The following TUSC3 variants were observed in gnomAD, a reference collection of about 807,000 sequenced individuals.
TUSC3 encodes the protein tumor suppressor candidate 3, also known as dolichyl-diphosphooligosaccharide--protein glycosyltransferase subunit TUSC3.
A neutral mutation model predicts 44.8 loss-of-function variants in TUSC3; 45 were observed. The observed-to-expected ratio is 1.00, with a 90% confidence interval of 0.79 to 1.29. TUSC3 has a LOEUF of 1.29. TUSC3 is among the 50% of genes most tolerant of loss of function. The pLI, the probability that TUSC3 is intolerant of heterozygous loss-of-function variation, is 0.00. For missense variants in TUSC3, 519 were observed against 437.9 expected (o/e 1.19, Z -1.65); for synonymous variants, 212 against 152.9 (o/e 1.39, Z -2.85).
rs1292414013 is a variant in TUSC3 at position 15,731,769 on chromosome 8, G to C, written c.862+1040G>C. Among the ~76,000 whole-genome samples, 7 of 152,048 alleles carry C rather than the reference G, an allele frequency of 4.6e-5. No individual in the cohort carries two copies. The South Asian group carries it at 1.5e-3, about 32-fold the overall frequency. On this transcript the variant is annotated intron_variant, in intron 7 of 10. Transcript: ENST00000503731. Reference sequence around the variant, plus strand: ...AAAATACTATCTTTTTAACAACATTGAAGTTTTTGGATTTTATTACTTTGT... The same window carrying C: ...AAAATACTATCTTTTTAACAACATTCAAGTTTTTGGATTTTATTACTTTGT...
intron 1 of TUSC3, among the ~76,000 whole-genome samples, chr8:15,622,213 A>C (rs1057356543): frequency 6.6e-6 from 1 of 152,138 alleles, no homozygotes; most frequent in Admixed American, 6.5e-5. Context: ...TCTTGTAGGA[A>C]TACAGTGTTG....
intron 6 of TUSC3, among the ~76,000 whole-genome samples, chr8:15,711,002 G>T (rs1199707229): frequency 1.3e-5 from 2 of 151,288 alleles, no homozygotes; most frequent in African/African-American, 4.8e-5. Context: ...CCCCTCAAGG[G>T]TTTCCTGAGT....
intron 2 of TUSC3, among the ~76,000 whole-genome samples, chr8:15,637,826 T>C (rs1806161440): frequency 6.6e-6 from 1 of 152,066 alleles, no homozygotes; most frequent in Non-Finnish European, 1.5e-5. Flanking sequence ...CGCTCACTTC[T>C]TCCTCCCTCC....
chr8:15,744,286 A>G lies in TUSC3; in HGVS notation c.937+674A>G, dbSNP rs542200213. On this transcript the variant is annotated intron_variant, in intron 8 of 10. Coordinates refer to ENST00000503731, the MANE Select transcript of TUSC3 (RefSeq NM_006765.4). Reference sequence around the variant, plus strand: ...AACATATATGAGGTTTTTGAGAAGTAAAGAGTTTTCTAGCAAAAAGAGAAG... The same window carrying G: ...AACATATATGAGGTTTTTGAGAAGTGAAGAGTTTTCTAGCAAAAAGAGAAG... Among the ~76,000 whole-genome samples the G allele has an allele frequency of 4.1e-4, 63 of 152,142 alleles. 1 individual carries two copies. In the South Asian group the frequency reaches 0.012, roughly 29 times the overall value.
At chr8:15,431,893 G>A (rs1032814160) in intron 1 of TUSC3, among the ~76,000 whole-genome samples, 2 of 59,360 alleles carry the variant, frequency 3.4e-5, no homozygotes, top group Non-Finnish European at 1.1e-4. Context: ...TTGTTCAAAT[G>A]CCATTTCTGT....
At chr8:15,663,283 A>G (rs575771187) in intron 5 of TUSC3, among the ~76,000 whole-genome samples, 28 of 150,292 alleles carry the variant, frequency 1.9e-4, no homozygotes, top group African/African-American at 6.8e-4. Flanking sequence ...TATCTTATAG[A>G]TAAGTATTGT....
chr8:15,653,386 T>A (rs531023006), intron 3 of TUSC3, among the ~76,000 whole-genome samples: 22 of 152,342 alleles, frequency 1.4e-4, no homozygotes, highest in African/African-American at 5.1e-4. Context: ...TTTTAAAATC[T>A]TCTGTGATAT....
intron 2 of TUSC3, among the ~76,000 whole-genome samples, chr8:15,626,196 C>T (rs1805501893): frequency 6.6e-6 from 1 of 152,190 alleles, no homozygotes; most frequent in South Asian, 2.1e-4. Flanking sequence ...CCTGGAGCCT[C>T]TGCCACTCCA....
rs59838929 is a variant in TUSC3, at chr8:15,692,375, G to GTTTTTTT, written c.798+18557_798+18563dup. On this transcript the variant is annotated intron_variant, in intron 6 of 10. Transcript: ENST00000503731. ...GGAGGAGACCCCCCCCCCCCCCTTT[G>GTTTTTTT]TTTTTTTTTTTTTTTTTTTTTTTTG... Among the ~76,000 whole-genome samples the GTTTTTTT allele has an allele frequency of 2.1e-3, 146 of 68,322 alleles. 1 individual carries two copies. Among genetic ancestry groups the GTTTTTTT allele is most frequent in the East Asian group, 3.5e-3 (7 of 1,976 alleles). The allele number at this position is 68,322 out of a possible 152,430, so 44.8% of individuals were successfully genotyped here.
At chr8:15,434,022 A>G (rs1208389196) in intron 1 of TUSC3, among the ~76,000 whole-genome samples, 2 of 152,148 alleles carry the variant, frequency 1.3e-5, no homozygotes, top group East Asian at 1.9e-4. Flanking sequence ...ATTTAACTTC[A>G]TGAGAAACTA....
the TUSC3 span, among the ~76,000 whole-genome samples, chr8:15,785,911 G>GA: frequency 6.6e-6 from 1 of 150,450 alleles, no homozygotes; most frequent in Non-Finnish European, 1.5e-5. Context: ...TTGCTTGTTT[G>GA]AAAAAAAAGA....
intron 2 of TUSC3, among the ~76,000 whole-genome samples, chr8:15,510,401 G>C (rs993714325): frequency 2.0e-5 from 3 of 152,060 alleles, no homozygotes; most frequent in Non-Finnish European, 2.9e-5. Flanking sequence ...TCAGACATGA[G>C]AGCAATGACA....
At chr8:15,581,987 C>G (rs190792396) in intron 1 of TUSC3, among the ~76,000 whole-genome samples, 4,547 of 151,744 alleles carry the variant, frequency 0.03, 79 homozygotes, top group East Asian at 0.053. Context: ...ACCCTCTGAG[C>G]CAGGTGTGGG....
intron 2 of TUSC3, among the ~76,000 whole-genome samples, chr8:15,640,905 G>T (rs1229770957): frequency 6.6e-6 from 1 of 152,114 alleles, no homozygotes; most frequent in Non-Finnish European, 1.5e-5. Flanking sequence ...GTTCAAAAAG[G>T]TTTATTTAAG....
the TUSC3 span, among the ~76,000 whole-genome samples, chr8:15,796,701 G>C: frequency 2.6e-5 from 4 of 152,316 alleles, no homozygotes; most frequent in East Asian, 7.7e-4. Flanking sequence ...GGGAGACAAA[G>C]TTTCTACCAA....
chr8:15,439,001 AATCT>A (rs1342593573), intron 1 of TUSC3, among the ~76,000 whole-genome samples: 14 of 152,168 alleles, frequency 9.2e-5, no homozygotes, highest in African/African-American at 3.4e-4. Context: ...TGGTCGAGGC[AATCT>A]ATACCCTCTG....
chr8:15,587,900 A>T (rs1461215617), intron 1 of TUSC3, among the ~76,000 whole-genome samples: 2 of 152,116 alleles, frequency 1.3e-5, no homozygotes, highest in Non-Finnish European at 2.9e-5. Context: ...ACAGGATTTC[A>T]TCTTTAATAG....
At position 15,626,882 on chromosome 8, in the gene TUSC3, C is replaced by G. The variant is rs58400197; in HGVS notation, c.308+3633C>G. Among the ~76,000 whole-genome samples the G allele has an allele frequency of 4.8e-3, 728 of 152,310 alleles. 19 individuals carry two copies. The East Asian group carries it at 0.07, about 15-fold the overall frequency. ...GCCTGCAGGTGCCCCTTGGCAAGAA[C>G]AACCTGGGCACCATGAATGGCTGCA... On this transcript the variant is annotated intron_variant, in intron 2 of 10. Transcript: ENST00000503731.
chr8:15,728,189 G>A (rs1262943430), intron 6 of TUSC3, among the ~76,000 whole-genome samples: 1 of 152,134 alleles, frequency 6.6e-6, no homozygotes, highest in African/African-American at 2.4e-5. Flanking sequence ...AGCATTGAAG[G>A]GTTCTGAGCA....
Sources: allele counts gnomAD v4.1 joint callset (sites outside exome capture counted in the v4.1 genomes callset), GRCh38; gene constraint gnomAD v4.1.1; transcripts MANE v1.5; gene names NCBI Gene and HGNC (gene_info 2026-07-23, HGNC 2026-07-21).